The following HAAO variants were observed in gnomAD, a reference collection of about 807,000 sequenced individuals.
The protein encoded by HAAO is 3-hydroxyanthranilate oxygenase.
In HAAO, 49 loss-of-function variants were observed where a neutral mutation model predicts 46.2. The observed-to-expected ratio is 1.06, with a 90% CI of 0.84 to 1.34. The LOEUF (loss-of-function observed/expected upper bound fraction) is 1.34. HAAO is among the 40% of genes most tolerant of loss of function. The pLI, the probability that HAAO is intolerant of heterozygous loss-of-function variation, is 0.00. For missense variants in HAAO, 408 were observed against 364.5 expected, an observed-to-expected ratio of 1.12 and a Z score of -0.97; for synonymous variants, 157 against 145.2, an observed-to-expected ratio of 1.08 and a Z score of -0.58.
At chr2:42,771,470 C>G (rs1475805955) in intron 4 of HAAO, among the ~76,000 whole-genome samples, 1 of 150,454 alleles carries the variant, frequency 6.6e-6, no homozygotes, top group African/African-American at 2.4e-5. Context: ...AAGAAGCCAA[C>G]ACGCAGAAGA....
intron 5 of HAAO, 28 bp from the exon 6 acceptor site, chr2:42,770,214 A>T (rs891859817): frequency 6.3e-7 from 1 of 1,581,884 alleles, no homozygotes; most frequent in African/African-American, 1.4e-5. Context: ...GAGGAGCAGG[A>T]GTGGCGAGCA....
chr2:42,783,063 T>C, intron 4 of HAAO: 1 of 550,336 alleles, frequency 1.8e-6, no homozygotes, highest in Non-Finnish European at 3.3e-6. Context: ...AGATTCTGAT[T>C]CCAGCCAAAG....
chr2:42,775,532 GT>G (rs1671487290), intron 4 of HAAO, among the ~76,000 whole-genome samples: 1 of 61,296 alleles, frequency 1.6e-5, no homozygotes, highest in Non-Finnish European at 3.2e-5. Context: ...TCCAAGGGGT[GT>G]GTGTGTGTGT....
rs374454212 is a variant in HAAO at position 42,771,517 on chromosome 2, C to T, written c.351-935G>A. ...TTAGGGGTTCTTCTTCTTTCAGGGT[C>T]ATGATTGCCTTTGAGAGTTGGAGCA... On this transcript the variant is annotated intron_variant, in intron 4 of 9. Transcript: ENST00000294973. Among the ~76,000 whole-genome samples, 3 of 151,804 alleles carry T rather than the reference C, an allele frequency of 2.0e-5. No homozygotes were observed. The East Asian group carries it at 5.8e-4, about 29-fold the overall frequency.
intron 2 of HAAO, 152 bp from the exon 3 acceptor site, chr2:42,784,019 T>A: frequency 7.1e-7 from 1 of 1,407,770 alleles, no homozygotes; most frequent in Non-Finnish European, 9.5e-7. Flanking sequence ...TCCTGAGGCC[T>A]GTCTCCCCGG....
intron 4 of HAAO, among the ~76,000 whole-genome samples, chr2:42,781,253 A>G (rs1228627804): frequency 6.6e-6 from 1 of 152,350 alleles, no homozygotes; most frequent in South Asian, 2.1e-4. Flanking sequence ...ACAGGACACA[A>G]TTGGAGAAAC....
At chr2:42,776,512 A>T (rs369185969) in intron 4 of HAAO, among the ~76,000 whole-genome samples, 2 of 152,020 alleles carry the variant, frequency 1.3e-5, no homozygotes, top group African/African-American at 4.8e-5. Context: ...TGCTGGGATT[A>T]TAGGCATGAG....
intron 4 of HAAO, among the ~76,000 whole-genome samples, chr2:42,778,448 G>T (rs1336651743): frequency 1.3e-5 from 2 of 152,064 alleles, no homozygotes; most frequent in East Asian, 3.9e-4. Flanking sequence ...TTCTGCCTCA[G>T]CCTCCTGAGT....
In HAAO at chr2:42,767,187, T is replaced by G. The variant is rs529729212; in HGVS notation, c.*250A>C. ...GAATGGGCAGGAGCGGGGCCGGGGGTAGACCACCTGGCAAGACTGGCAAGG... is the reference window on the plus strand; with the variant it reads ...GAATGGGCAGGAGCGGGGCCGGGGGGAGACCACCTGGCAAGACTGGCAAGG... On this transcript the variant is annotated 3_prime_UTR_variant, in exon 10 of 10. Coordinates refer to ENST00000294973, the MANE Select transcript of HAAO (RefSeq NM_012205.3). 1.7e-6 allele frequency: 1 copy of G among 584,644 alleles called. No individual in the cohort carries two copies. The allele number at this position is 584,644 out of a possible 1,614,324, so 36.2% of individuals were successfully genotyped here. A position where few individuals can be genotyped will look rare whatever the true frequency, so the allele number is the denominator to read the frequency against.
At chr2:42,788,924 C>T in intron 1 of HAAO, 1 of 366,016 alleles carries the variant, frequency 2.7e-6, no homozygotes, top group South Asian at 3.1e-5. Context: ...ATCAAGATCT[C>T]GAATTACAGG....
chr2:42,784,027 C>T (rs560619705), intron 2 of HAAO, 160 bp from the exon 3 acceptor site: 118 of 868,998 alleles, frequency 1.4e-4, no homozygotes, highest in African/African-American at 1.6e-4. Flanking sequence ...CCTGTCTCCC[C>T]GGTGCATGCC....
At chr2:42,774,939 C>T (rs1176989379) in intron 4 of HAAO, among the ~76,000 whole-genome samples, 1 of 130,998 alleles carries the variant, frequency 7.6e-6, no homozygotes, top group African/African-American at 3.2e-5. Context: ...TCCCGTCCCT[C>T]CCCACCAACA....
chr2:42,783,675 G>T lies in HAAO; in HGVS notation c.243+109C>A, dbSNP rs145203863. 351 of 955,898 alleles carry T rather than the reference G, an allele frequency of 3.7e-4. 4 individuals are homozygous for T. In the East Asian group the frequency reaches 9.2e-3, roughly 25 times the overall value. The allele number at this position is 955,898 out of a possible 1,614,324, so 59.2% of individuals were successfully genotyped here. A position where few individuals can be genotyped will look rare whatever the true frequency, so the allele number is the denominator to read the frequency against. ...TGGCAGGGGAAGGTGTGGGAGAGCA[G>T]GAAAAGGTAGGGAGGACAAGACCTC... On this transcript the variant is annotated intron_variant, in intron 3 of 9. Coordinates refer to ENST00000294973, the MANE Select transcript of HAAO (RefSeq NM_012205.3).
chr2:42,772,184 G>A lies in HAAO; in HGVS notation c.351-1602C>T, dbSNP rs74953176. On this transcript the variant is annotated intron_variant, in intron 4 of 9. Transcript: ENST00000294973. ...TTGTGTTTTTTGAAAAGATTTAATA[G>A]TGTAAGAAATACTCGGCCGAATGTG... 8.3e-4 allele frequency among the ~76,000 whole-genome samples: 127 copies of A among 152,228 alleles called. 1 individual carries two copies. Among genetic ancestry groups the A allele is most frequent in the Middle Eastern group, 6.8e-3 (2 of 294 alleles).
chr2:42,792,419 G>T, intron 1 of HAAO, 38 bp downstream of exon 1: 1 of 1,235,082 alleles, frequency 8.1e-7, no homozygotes, highest in Non-Finnish European at 1.1e-6. Context: ...GGGGGAGGAG[G>T]CGAGGGCAGG....
intron 4 of HAAO, among the ~76,000 whole-genome samples, chr2:42,776,148 G>T (rs1267216796): frequency 2.0e-5 from 3 of 151,442 alleles, no homozygotes; most frequent in Non-Finnish European, 4.4e-5. Context: ...TAAAAGATAG[G>T]TGGTCCCTAT....
chr2:42,770,166 T>C lies in HAAO; in HGVS notation c.461A>G (p.Tyr154Cys). 6.2e-7 allele frequency: 1 copy of C among 1,602,518 alleles called. No individual in the cohort carries two copies. Among genetic ancestry groups the C allele is most frequent in the East Asian group, 2.3e-5 (1 of 44,372 alleles). The change falls in exon 6 of 10, where the codon TAC becomes TGC. Residue 154 changes from tyrosine to cysteine, a missense_variant. Coordinates refer to ENST00000294973, the MANE Select transcript of HAAO (RefSeq NM_012205.3). ...IIQEFFSSEQ[Y>C]RTGKPIPDQL... ...ACCAGGGATGGGCTTTCCTGTTCTG[T>C]ACTGCTCAGAGCTGAAGAACCTGCA...
Position 42,770,133 on chromosome 2 carries a change from G to A in HAAO, c.484+10C>T. 1 of 1,603,526 alleles carries A rather than the reference G, an allele frequency of 6.2e-7. No homozygotes were observed. The highest frequency in any genetic ancestry group is 2.2e-5 in the East Asian group (1 of 44,452). On this transcript the variant is annotated intron_variant, in intron 6 of 9. Coordinates refer to ENST00000294973, the MANE Select transcript of HAAO (RefSeq NM_012205.3). The stretch of plus-strand genomic sequence containing the variant: ...GAGGGAAGGAGAAGGGCAGTTCCCA[G>A]CGGCCTCACCAGGGATGGGCTTTCC...
rs1670791803 is a variant in HAAO at position 42,767,916 on chromosome 2, C to T, written c.643G>A (p.Gly215Arg). ...DTYETQVIAY[G>R]QGSSEGLRQN... ...CTCAGGCCTTCGCTGCTGCCTTGCCCATAGGCGATCACCTGGTGGGAGGTG... is the reference window on the plus strand; with the variant it reads ...CTCAGGCCTTCGCTGCTGCCTTGCCTATAGGCGATCACCTGGTGGGAGGTG... Residue 215 changes from glycine to arginine, a missense_variant, in exon 8 of 10, where the codon GGG (glycine) becomes AGG (arginine). Physicochemically the swap from Gly to Arg is moderately radical, Grantham distance 125 (BLOSUM62 -2). Transcript: ENST00000294973. 10 of 1,613,824 alleles carry T rather than the reference C, an allele frequency of 6.2e-6. No homozygotes were observed. The highest frequency in any genetic ancestry group is 8.5e-6 in the Non-Finnish European group (10 of 1,179,714).
Sources: gnomAD v4.1 joint callset for allele counts (sites outside exome capture counted in the v4.1 genomes callset) on GRCh38, gnomAD v4.1.1 for gene constraint, MANE v1.5 for transcripts, NCBI Gene and HGNC (gene_info 2026-07-23, HGNC 2026-07-21) for gene names.